Variants in GPM6A observed in about 807,000 individuals in gnomAD.
GPM6A encodes neuronal membrane glycoprotein M6-a.
A neutral mutation model predicts 32.1 loss-of-function variants in GPM6A; 7 were observed. The ratio of observed to expected loss-of-function variants is 0.22; its 90% confidence interval spans 0.12 to 0.41. The LOEUF is 0.41. Among genes scored for constraint, GPM6A ranks in the 10% least tolerant of loss-of-function variants. The pLI, the probability that GPM6A is intolerant of heterozygous loss-of-function variation, is 1.00. For missense variants in GPM6A, 235 were observed against 347.2 expected, an observed-to-expected ratio of 0.68 and a Z score of 2.57; for synonymous variants, 130 against 123.4, an observed-to-expected ratio of 1.05 and a Z score of -0.35.
chr4:175,987,180 G>A (rs1741000768), intron 1 of GPM6A, among the ~76,000 whole-genome samples: 1 of 152,136 alleles, frequency 6.6e-6, no homozygotes, highest in South Asian at 2.1e-4. Flanking sequence ...GTAGCACTAA[G>A]CATTCTGTCT....
intron 1 of GPM6A, among the ~76,000 whole-genome samples, chr4:175,805,531 T>A (rs530628955): frequency 1.3e-5 from 2 of 152,226 alleles, no homozygotes; most frequent in Non-Finnish European, 2.9e-5. Context: ...TTCTCAGGGA[T>A]AGATTTCATC....
At chr4:175,699,796 A>G (rs940985038) in intron 2 of GPM6A, among the ~76,000 whole-genome samples, 5 of 152,138 alleles carry the variant, frequency 3.3e-5, no homozygotes, top group African/African-American at 1.2e-4. Context: ...AAATTTTGCT[A>G]TGTACTCTGT....
intron 1 of GPM6A, among the ~76,000 whole-genome samples, chr4:175,794,630 G>A (rs895717365): frequency 2.0e-5 from 3 of 152,190 alleles, no homozygotes; most frequent in African/African-American, 7.2e-5. Context: ...GAAATGTACT[G>A]GAACCTGGGG....
chr4:175,895,344 T>G (rs1369652823), intron 1 of GPM6A, among the ~76,000 whole-genome samples: 1 of 152,154 alleles, frequency 6.6e-6, no homozygotes, highest in Non-Finnish European at 1.5e-5. Context: ...CAGAATAAAT[T>G]TAGGTTAATT....
At chr4:175,694,553 T>C (rs953354209) in intron 2 of GPM6A, among the ~76,000 whole-genome samples, 4 of 152,136 alleles carry the variant, frequency 2.6e-5, no homozygotes, top group African/African-American at 9.7e-5. Flanking sequence ...TGGAAGAAAT[T>C]TCTAAGCATC....
At chr4:175,795,753 T>C (rs1233405069) in intron 1 of GPM6A, 1 of 152,030 alleles carries the variant, frequency 6.6e-6, no homozygotes, top group Non-Finnish European at 1.5e-5. Context: ...TGTCTCAAAA[T>C]AAAATGAAAT....
chr4:175,641,055 C>A, intron 4 of GPM6A: 1 of 504,020 alleles, frequency 2.0e-6, no homozygotes, highest in South Asian at 2.5e-5. Context: ...TAATTTCAAT[C>A]TGAATTCAAT....
In GPM6A at chr4:175,734,821, C is replaced by T. The variant is rs56815810; in HGVS notation, c.38-33054G>A. Among the ~76,000 whole-genome samples, 439 of 151,878 alleles carry T rather than the reference C, an allele frequency of 2.9e-3. 3 individuals are homozygous for T. The highest frequency in any genetic ancestry group is 9.9e-3 in the African/African-American group (409 of 41,460). On this transcript the variant is annotated intron_variant, in intron 1 of 6. Coordinates refer to ENST00000393658, the MANE Select transcript of GPM6A (RefSeq NM_201591.3). ...CTGGGAAGTGAAGGTTGCAGTGAGC[C>T]GAGATTGAGCCATTGCACTCCAGCC...
chr4:175,652,049 T>C, intron 3 of GPM6A, 62 bp from the exon 4 acceptor site: 4 of 1,317,344 alleles, frequency 3.0e-6, no homozygotes, highest in Non-Finnish European at 4.2e-6. Flanking sequence ...GAATTTTGTG[T>C]TTAATCTGCA....
intron 1 of GPM6A, among the ~76,000 whole-genome samples, chr4:175,882,238 A>G (rs1737303342): frequency 6.6e-6 from 1 of 152,026 alleles, no homozygotes; most frequent in Non-Finnish European, 1.5e-5. Flanking sequence ...ATTTTTAGTC[A>G]CATAAATTTT....
intron 1 of GPM6A, among the ~76,000 whole-genome samples, chr4:175,971,397 A>G (rs1259905652): frequency 1.3e-5 from 2 of 152,208 alleles, no homozygotes; most frequent in Admixed American, 1.3e-4. Context: ...CGAGGAAGTA[A>G]AGTAGGTGCT....
At chr4:175,837,917 C>A (rs1324186193) in intron 1 of GPM6A, among the ~76,000 whole-genome samples, 1 of 151,972 alleles carries the variant, frequency 6.6e-6, no homozygotes, top group Admixed American at 6.6e-5. Context: ...AAAAGGGTGG[C>A]TATCCAACCT....
At chr4:175,797,025 A>T (rs10019308) in intron 1 of GPM6A, among the ~76,000 whole-genome samples, 9,186 of 152,138 alleles carry the variant, frequency 0.06, 900 homozygotes, top group African/African-American at 0.21. Flanking sequence ...CAGATTACTA[A>T]GGATTCTCTT....
intron 1 of GPM6A, among the ~76,000 whole-genome samples, chr4:175,766,985 T>A (rs1020596889): frequency 6.6e-6 from 1 of 152,064 alleles, no homozygotes; most frequent in Non-Finnish European, 1.5e-5. Flanking sequence ...GAGTTTCCCC[T>A]CTAATCATAA....
chr4:175,736,501 A>T (rs1017188026), intron 1 of GPM6A, among the ~76,000 whole-genome samples: 1 of 152,188 alleles, frequency 6.6e-6, no homozygotes. Context: ...CTTTAAAAAA[A>T]TTTGAAAATA....
Position 175,886,044 on chromosome 4 carries a change from T to C in GPM6A, c.-22-73795A>G, listed in dbSNP as rs369463590. On this transcript the variant is annotated intron_variant, in intron 1 of 7. Transcript: ENST00000280187. ...TGGAGGTCAGAATAAAGAGATTCTA[T>C]ATATAGCTAGCAGAAGTTCCAAAAT... Among the ~76,000 whole-genome samples, 28 of 152,218 alleles carry C rather than the reference T, an allele frequency of 1.8e-4. No homozygotes were observed. In the East Asian group the frequency reaches 3.3e-3, roughly 18 times the overall value.
chr4:175,975,428 C>T (rs558570262), intron 1 of GPM6A, among the ~76,000 whole-genome samples: 4 of 152,276 alleles, frequency 2.6e-5, no homozygotes, highest in African/African-American at 9.6e-5. Flanking sequence ...TGTGATATAA[C>T]TAACCATGTT....
chr4:175,637,070 A>G (rs1277430570), intron 6 of GPM6A, among the ~76,000 whole-genome samples: 15 of 66,800 alleles, frequency 2.2e-4, no homozygotes, highest in Non-Finnish European at 3.6e-4. Flanking sequence ...TTTGTAATAT[A>G]AAAATATATA....
intron 1 of GPM6A, among the ~76,000 whole-genome samples, chr4:175,968,656 T>G (rs1291788343): frequency 6.6e-6 from 1 of 152,126 alleles, no homozygotes; most frequent in Non-Finnish European, 1.5e-5. Flanking sequence ...ACATAGAGAT[T>G]ATAGATTATC....
Sources: gnomAD v4.1 joint callset for allele counts (sites outside exome capture counted in the v4.1 genomes callset) on GRCh38, gnomAD v4.1.1 for gene constraint, MANE v1.5 for transcripts, NCBI Gene and HGNC (gene_info 2026-07-23, HGNC 2026-07-21) for gene names.